Variants in PTPRD observed in about 807,000 individuals in gnomAD.
The protein encoded by PTPRD is receptor-type tyrosine-protein phosphatase delta.
Under a neutral mutation model 214.5 loss-of-function variants are expected in PTPRD, and 34 were observed. The observed-to-expected ratio is 0.16, with a 90% CI of 0.12 to 0.21. PTPRD has a LOEUF of 0.21. Ranked by LOEUF, PTPRD falls within the 10% of genes least tolerant of loss-of-function variation. The pLI is 1.00. For synonymous variants in PTPRD, 1,128 were observed against 845.7 expected, an observed-to-expected ratio of 1.33 and a Z score of -5.79; for missense variants, 2,545 against 2,398.7, an observed-to-expected ratio of 1.06 and a Z score of -1.27.
At chr9:10,270,854 T>C (rs1388854780) in intron 3 of PTPRD, among the ~76,000 whole-genome samples, 1 of 97,720 alleles carries the variant, frequency 1.0e-5, no homozygotes, top group Non-Finnish European at 2.1e-5. Context: ...ATTTTACTTA[T>C]TTTTTTATGT....
chr9:9,907,097 G>C (rs555663128), intron 5 of PTPRD, among the ~76,000 whole-genome samples: 3 of 151,958 alleles, frequency 2.0e-5, no homozygotes, highest in South Asian at 2.1e-4. Flanking sequence ...CTAATGATGA[G>C]AGGAGTTCAG....
chr9:9,055,428 TA>T (rs949941661), intron 10 of PTPRD, among the ~76,000 whole-genome samples: 14 of 152,166 alleles, frequency 9.2e-5, no homozygotes, highest in Non-Finnish European at 1.8e-4. Context: ...CTTTGCCAGT[TA>T]AAAATATATA....
intron 3 of PTPRD, among the ~76,000 whole-genome samples, chr9:10,099,350 G>A (rs1350932542): frequency 6.6e-6 from 1 of 151,538 alleles, no homozygotes; most frequent in Non-Finnish European, 1.5e-5. Flanking sequence ...GGGTTGGTGA[G>A]AATCACATGA....
At chr9:9,902,367 G>A (rs1461822238) in intron 5 of PTPRD, among the ~76,000 whole-genome samples, 1 of 152,072 alleles carries the variant, frequency 6.6e-6, no homozygotes, top group African/African-American at 2.4e-5. Flanking sequence ...TACCATTAAT[G>A]TATTGTTTTC....
chr9:9,380,139 A>T (rs550440441), intron 9 of PTPRD, among the ~76,000 whole-genome samples: 3 of 152,118 alleles, frequency 2.0e-5, no homozygotes, highest in South Asian at 4.1e-4. Context: ...GCTGTAGGTT[A>T]TTTGTAGAGA....
chr9:9,878,053 T>G (rs2067431087), intron 5 of PTPRD, among the ~76,000 whole-genome samples: 1 of 150,578 alleles, frequency 6.6e-6, no homozygotes, highest in South Asian at 2.1e-4. Flanking sequence ...TCAAGTATAA[T>G]CTCACTGATT....
chr9:10,020,296 G>GTTTCTT (rs934584241), intron 4 of PTPRD, among the ~76,000 whole-genome samples: 6 of 152,186 alleles, frequency 3.9e-5, no homozygotes, highest in African/African-American at 1.4e-4. Flanking sequence ...TACAATATTA[G>GTTTCTT]TTTCTTTTTC....
At chr9:10,583,024 C>T (rs561726681) in intron 2 of PTPRD, among the ~76,000 whole-genome samples, 1 of 152,084 alleles carries the variant, frequency 6.6e-6, no homozygotes, top group Non-Finnish European at 1.5e-5. Flanking sequence ...ATAATTCAGT[C>T]CAGCAAGTAT....
rs543720844 is a variant in PTPRD, at chr9:9,412,078, G to A, written c.-236-14596C>T. On this transcript the variant is annotated intron_variant, in intron 8 of 45. Coordinates refer to ENST00000381196, the MANE Select transcript of PTPRD (RefSeq NM_002839.4). ...CTGAGCCAGCAGAGTAGAAAAAAGC[G>A]ATTATACAGCCAAATTTTATGTAAA... is the stretch of plus-strand genomic sequence containing the variant. 1.2e-3 allele frequency among the ~76,000 whole-genome samples: 176 copies of A among 152,236 alleles called. 1 individual carries two copies. The highest frequency in any genetic ancestry group is 3.4e-3 in the African/African-American group (142 of 41,538).
chr9:10,231,321 C>G lies in PTPRD; in HGVS notation c.-545+109642G>C, dbSNP rs147930916. 1.1e-3 allele frequency among the ~76,000 whole-genome samples: 172 copies of G among 150,144 alleles called. 1 individual carries two copies. The highest frequency in any genetic ancestry group is 3.9e-3 in the African/African-American group (158 of 40,724). On this transcript the variant is annotated intron_variant, in intron 3 of 45. Coordinates refer to ENST00000381196, the MANE Select transcript of PTPRD (RefSeq NM_002839.4). ...AGAGAGAGGCTGTGAGGGGGGAAAA[C>G]ACTCAGAGAACAAAGAAAAAAAAAA...
chr9:10,496,492 T>A (rs555761623), intron 2 of PTPRD, among the ~76,000 whole-genome samples: 2 of 152,134 alleles, frequency 1.3e-5, no homozygotes, highest in South Asian at 4.1e-4. Context: ...AACATTAATA[T>A]TTTAAAAACC....
chr9:9,197,656 C>A (rs2099939401), intron 9 of PTPRD, among the ~76,000 whole-genome samples: 1 of 152,144 alleles, frequency 6.6e-6, no homozygotes, highest in Non-Finnish European at 1.5e-5. Flanking sequence ...GGTGATCTGC[C>A]CGCCACGGCC....
At chr9:9,800,197 C>T (rs933328330) in intron 5 of PTPRD, among the ~76,000 whole-genome samples, 1 of 152,132 alleles carries the variant, frequency 6.6e-6, no homozygotes, top group Non-Finnish European at 1.5e-5. Flanking sequence ...ATTAGCCAGG[C>T]GGGGTGGTGC....
chr9:8,340,472 G>C lies in PTPRD; in HGVS notation c.5127-3C>G, dbSNP rs1462946551. 1 of 1,572,276 alleles carries C rather than the reference G, an allele frequency of 6.4e-7. No individual in the cohort carries two copies. Among genetic ancestry groups the C allele is most frequent in the East Asian group, 2.3e-5 (1 of 44,424 alleles). ...TAGCGATGTAGGCTTTCTGTTGTCTGAATTACAGAGAATGAAAAGAATGTG... is the reference window on the plus strand; with the variant it reads ...TAGCGATGTAGGCTTTCTGTTGTCTCAATTACAGAGAATGAAAAGAATGTG... On this transcript the variant is annotated splice_polypyrimidine_tract_variant and splice_region_variant and intron_variant, in intron 41 of 45. Transcript: ENST00000381196.
intron 3 of PTPRD, among the ~76,000 whole-genome samples, chr9:10,154,558 A>G (rs1007284086): frequency 2.0e-5 from 3 of 152,118 alleles, no homozygotes; most frequent in South Asian, 2.1e-4. Flanking sequence ...CCAGAATGTT[A>G]TTGCCTAGGT....
intron 2 of PTPRD, among the ~76,000 whole-genome samples, chr9:10,375,863 T>C (rs575488842): frequency 1.2e-4 from 19 of 152,052 alleles, no homozygotes; most frequent in Non-Finnish European, 1.8e-4. Context: ...TTTCTAAATA[T>C]TGAGATTAGC....
chr9:9,422,649 A>G (rs1469272928), intron 8 of PTPRD, among the ~76,000 whole-genome samples: 1 of 152,124 alleles, frequency 6.6e-6, no homozygotes, highest in African/African-American at 2.4e-5. Flanking sequence ...GCTGCCACCA[A>G]CAGAAGCTGG....
At chr9:8,868,365 AT>A (rs770085204) in intron 11 of PTPRD, among the ~76,000 whole-genome samples, 27 of 151,288 alleles carry the variant, frequency 1.8e-4, no homozygotes, top group African/African-American at 3.4e-4. Context: ...CACCTAACTA[AT>A]TTTTTTTTGT....
At chr9:8,326,549 G>A (rs1407521068) in intron 44 of PTPRD, among the ~76,000 whole-genome samples, 1 of 151,516 alleles carries the variant, frequency 6.6e-6, no homozygotes, top group East Asian at 1.9e-4. Flanking sequence ...TTGTGTCTCT[G>A]CCAGGTTTTG....
Sources: allele counts gnomAD v4.1 joint callset (sites outside exome capture counted in the v4.1 genomes callset), GRCh38; gene constraint gnomAD v4.1.1; transcripts MANE v1.5; gene names NCBI Gene and HGNC (gene_info 2026-07-23, HGNC 2026-07-21).